EYS: variants seen among roughly 807,000 people sequenced by gnomAD.
The protein encoded by EYS is protein eyes shut homolog.
In EYS, 250 loss-of-function variants were observed where a neutral mutation model predicts 282.1. That is an observed-to-expected ratio of 0.89 (90% CI 0.80 to 0.98). The LOEUF is 0.98. Among genes scored for constraint, EYS ranks in the 50% least tolerant of loss-of-function variants. EYS has a pLI of 0.00. For missense variants in EYS, 4,016 were observed against 3,709.0 expected (o/e 1.08, Z -2.15); for synonymous variants, 1,355 against 1,282.9 (o/e 1.06, Z -1.20).
chr6:64,651,687 A>C (rs1768567142), intron 22 of EYS, among the ~76,000 whole-genome samples: 1 of 152,214 alleles, frequency 6.6e-6, no homozygotes, highest in Non-Finnish European at 1.5e-5. Context: ...GTCTCAAAAA[A>C]AGGAAAAAAA....
At chr6:64,655,406 G>T (rs1768709890) in intron 22 of EYS, among the ~76,000 whole-genome samples, 1 of 151,824 alleles carries the variant, frequency 6.6e-6, no homozygotes, top group Non-Finnish European at 1.5e-5. Context: ...TGCCTACAAA[G>T]TGTCTAAATT....
chr6:64,920,511 A>T (rs988916527), intron 15 of EYS, among the ~76,000 whole-genome samples: 15 of 152,062 alleles, frequency 9.9e-5, no homozygotes, highest in African/African-American at 3.6e-4. Flanking sequence ...GTTTTTTTCC[A>T]AAAAGGATCT....
chr6:65,416,210 C>T (rs990120921), intron 5 of EYS, among the ~76,000 whole-genome samples: 3 of 151,856 alleles, frequency 2.0e-5, no homozygotes, highest in African/African-American at 7.2e-5. Context: ...GGGTTATATT[C>T]TTGGAGTAGA....
chr6:65,447,929 T>G (rs1768738324), intron 5 of EYS, among the ~76,000 whole-genome samples: 1 of 151,992 alleles, frequency 6.6e-6, no homozygotes, highest in South Asian at 2.1e-4. Flanking sequence ...AGACCCAGGT[T>G]AAAGAAGATA....
rs779679762 is a variant in EYS at position 64,813,627 on chromosome 6, C to A, written c.3244-50G>T. 217 of 1,090,324 alleles carry A rather than the reference C, an allele frequency of 2.0e-4. 2 individuals carry two copies. In the East Asian group the frequency reaches 5.6e-3, roughly 28 times the overall value. 67.5% of individuals were successfully genotyped at this position (1,090,324 alleles called of 1,614,324 possible). On this transcript the variant is annotated intron_variant, in intron 21 of 42. Coordinates refer to ENST00000503581, the MANE Select transcript of EYS (RefSeq NM_001142800.2). ...ATTTGATTATTAGTATAAGGTTGAC[C>A]ATTTTAATATAATTATATTTTTATT...
intron 22 of EYS, among the ~76,000 whole-genome samples, chr6:64,755,039 A>T (rs138812820): frequency 6.6e-6 from 1 of 152,290 alleles, no homozygotes; most frequent in African/African-American, 2.4e-5. Context: ...TACCTAGGAA[A>T]CCCTAAAGAT....
At chr6:64,463,172 C>T (rs1055740021) in intron 26 of EYS, among the ~76,000 whole-genome samples, 11 of 151,950 alleles carry the variant, frequency 7.2e-5, no homozygotes, top group Non-Finnish European at 1.0e-4. Flanking sequence ...AGGATGGTCT[C>T]GATCTCCTGA....
chr6:64,108,031 G>T (rs1773090067), intron 31 of EYS, among the ~76,000 whole-genome samples: 1 of 152,076 alleles, frequency 6.6e-6, no homozygotes, highest in Admixed American at 6.6e-5. Context: ...TTTCTCTTGA[G>T]GGTAGATCTT....
At chr6:65,444,088 G>C (rs1468558680) in intron 5 of EYS, among the ~76,000 whole-genome samples, 1 of 151,936 alleles carries the variant, frequency 6.6e-6, no homozygotes, top group African/African-American at 2.4e-5. Flanking sequence ...TTATTAGAAG[G>C]ACATTAATTA....
In EYS at chr6:64,744,688, T is replaced by A. The variant is rs9345450; in HGVS notation, c.3443+68690A>T. ...ATGCAGATTAAAAGTAATGCTAGTT[T>A]TAGAGTGTATACACTGAAAAAACAG... On this transcript the variant is annotated intron_variant, in intron 22 of 42. Coordinates refer to ENST00000503581, the MANE Select transcript of EYS (RefSeq NM_001142800.2). Among the ~76,000 whole-genome samples the A allele has an allele frequency of 9.3e-4, 141 of 152,250 alleles. 4 individuals are homozygous for A. The East Asian group carries it at 0.021, about 23-fold the overall frequency.
chr6:65,291,600 T>C (rs1768528250), intron 12 of EYS, among the ~76,000 whole-genome samples: 1 of 151,592 alleles, frequency 6.6e-6, no homozygotes. Context: ...GGGAGGTTGT[T>C]CTTTCCATGA....
intron 34 of EYS, among the ~76,000 whole-genome samples, chr6:63,995,014 A>G (rs57058368): frequency 0.06 from 9,194 of 152,032 alleles, 640 homozygotes; most frequent in African/African-American, 0.17. Flanking sequence ...AAAAGCAAAA[A>G]TAGACAAGTG....
At chr6:64,453,464 C>G (rs1775438470) in intron 26 of EYS, among the ~76,000 whole-genome samples, 1 of 152,136 alleles carries the variant, frequency 6.6e-6, no homozygotes, top group Non-Finnish European at 1.5e-5. Context: ...CCTCAGGGAT[C>G]TAGAACTGGA....
chr6:65,006,287 TA>T (rs1771653507), intron 13 of EYS, among the ~76,000 whole-genome samples: 1 of 151,948 alleles, frequency 6.6e-6, no homozygotes, highest in South Asian at 2.1e-4. Context: ...CCTATTCATT[TA>T]AAAGCCAGGG....
Position 64,304,839 on chromosome 6 carries a change from A to G in EYS, c.6191+2131T>C, listed in dbSNP as rs1582567578. Among the ~76,000 whole-genome samples, 4 of 152,294 alleles carry G rather than the reference A, an allele frequency of 2.6e-5. No homozygotes were observed. In the East Asian group the frequency reaches 7.7e-4, roughly 29 times the overall value. The stretch of plus-strand genomic sequence containing the variant: ...AGACAAATAAAAATGAAAATACAAC[A>G]CACACCAAAATGTACGAGATGCAGT... On this transcript the variant is annotated intron_variant, in intron 30 of 42. Transcript: ENST00000503581.
At chr6:65,246,007 T>A (rs1313165747) in intron 12 of EYS, among the ~76,000 whole-genome samples, 4 of 152,136 alleles carry the variant, frequency 2.6e-5, no homozygotes, top group Admixed American at 2.6e-4. Context: ...TTTCCTTATA[T>A]TCCTATTATT....
Position 64,439,328 on chromosome 6 carries a change from C to A in EYS, c.5669G>T (p.Gly1890Val), listed in dbSNP as rs1774858082. 6.6e-7 allele frequency: 1 copy of A among 1,507,214 alleles called. No individual in the cohort carries two copies. Among genetic ancestry groups the A allele is most frequent in the African/African-American group, 1.4e-5 (1 of 69,994 alleles). 93.4% of individuals were successfully genotyped at this position (1,507,214 alleles called of 1,614,324 possible). A position where few individuals can be genotyped will look rare whatever the true frequency, so the allele number is the denominator to read the frequency against. The change falls in exon 27 of 43, where the codon GGA becomes GTA. Residue 1890 changes from glycine (G) to valine (V), a missense_variant. By Grantham distance (109) the Gly-to-Val change is moderately radical (BLOSUM62 -3). Coordinates refer to ENST00000503581, the MANE Select transcript of EYS (RefSeq NM_001142800.2). ...ISDFSCVRYY[G>V]DSYLEFQNVA... Reference sequence around the variant, plus strand: ...ATTCTGAAATTCTAGATAAGAATCTCCATAATAACGAACACAACTGAAATC... The same window carrying A: ...ATTCTGAAATTCTAGATAAGAATCTACATAATAACGAACACAACTGAAATC...
At chr6:64,014,191 A>G (rs1271711523) in intron 33 of EYS, among the ~76,000 whole-genome samples, 2 of 152,194 alleles carry the variant, frequency 1.3e-5, no homozygotes, top group Non-Finnish European at 2.9e-5. Context: ...GGTAACAAGC[A>G]GATCACTTTA....
chr6:65,229,802 T>C (rs1444209671), intron 12 of EYS, among the ~76,000 whole-genome samples: 1 of 152,012 alleles, frequency 6.6e-6, no homozygotes, highest in Non-Finnish European at 1.5e-5. Context: ...CAGTTTGCTG[T>C]GTCCATTTTA....
Sources: gnomAD v4.1 joint callset for allele counts (sites outside exome capture counted in the v4.1 genomes callset) on GRCh38, gnomAD v4.1.1 for gene constraint, MANE v1.5 for transcripts, NCBI Gene and HGNC (gene_info 2026-07-23, HGNC 2026-07-21) for gene names.